EIF2B3: variants seen among roughly 807,000 people sequenced by gnomAD.
EIF2B3 encodes eukaryotic translation initiation factor 2B subunit gamma.
In EIF2B3, 20 loss-of-function variants were observed where a neutral mutation model predicts 54.1. The observed-to-expected ratio is 0.37, with a 90% CI of 0.26 to 0.54. The LOEUF (loss-of-function observed/expected upper bound fraction) is 0.54. Ranked by LOEUF, EIF2B3 falls within the 20% of genes least tolerant of loss-of-function variation. The pLI, the probability that EIF2B3 is intolerant of heterozygous loss-of-function variation, is 0.86. For synonymous variants in EIF2B3, 153 were observed against 188.1 expected (o/e 0.81, Z 1.52); for missense variants, 448 against 547.8 (o/e 0.82, Z 1.82).
At chr1:44,898,763 G>T (rs1656065487) in intron 5 of EIF2B3, among the ~76,000 whole-genome samples, 1 of 152,320 alleles carries the variant, frequency 6.6e-6, no homozygotes, top group South Asian at 2.1e-4. Flanking sequence ...CACAATGATT[G>T]CTCACTGTAG....
chr1:44,851,292 T>TA (rs1487324929), intron 11 of EIF2B3, among the ~76,000 whole-genome samples: 12 of 152,098 alleles, frequency 7.9e-5, no homozygotes, highest in Admixed American at 7.9e-4. Context: ...CTCGAACTCC[T>TA]AACCTCAGGT....
At chr1:44,968,803 A>G (rs921354999) in intron 3 of EIF2B3, among the ~76,000 whole-genome samples, 6 of 152,038 alleles carry the variant, frequency 3.9e-5, no homozygotes, top group Non-Finnish European at 8.8e-5. Context: ...AGGCTGAGGC[A>G]GGAGAACTGC....
Position 44,942,724 on chromosome 1 carries a change from G to A in EIF2B3, c.295-1059C>T, listed in dbSNP as rs999802547. Among the ~76,000 whole-genome samples, 57 of 151,428 alleles carry A rather than the reference G, an allele frequency of 3.8e-4. 1 individual carries two copies. Among genetic ancestry groups the A allele is most frequent in the African/African-American group, 1.4e-3 (56 of 41,194 alleles). The stretch of plus-strand genomic sequence containing the variant: ...ATTATAGGCATGAGCTACCATGCCT[G>A]ATTATAATTCTAATATCTCAGATTA... On this transcript the variant is annotated intron_variant, in intron 3 of 11. Transcript: ENST00000360403.
intron 4 of EIF2B3, 89 bp downstream of exon 4, chr1:44,941,417 T>G (rs1305173635): frequency 2.5e-5 from 36 of 1,448,332 alleles, no homozygotes; most frequent in Non-Finnish European, 3.1e-5. Flanking sequence ...GTATAGTAGA[T>G]TCTTAATAAA....
At chr1:44,888,860 A>G (rs887672703) in intron 6 of EIF2B3, among the ~76,000 whole-genome samples, 1 of 152,236 alleles carries the variant, frequency 6.6e-6, no homozygotes, top group Non-Finnish European at 1.5e-5. Flanking sequence ...GGGAACAGGA[A>G]TTCTGGGATT....
chr1:44,852,960 T>C (rs1167750071), intron 11 of EIF2B3, among the ~76,000 whole-genome samples: 1 of 151,852 alleles, frequency 6.6e-6, no homozygotes, highest in Admixed American at 6.6e-5. Flanking sequence ...CAGATGAAGG[T>C]TGGTAGAGAA....
chr1:44,853,750 G>A (rs1407937284), intron 11 of EIF2B3, among the ~76,000 whole-genome samples: 2 of 152,130 alleles, frequency 1.3e-5, no homozygotes, highest in African/African-American at 4.8e-5. Context: ...TGATAAGTTG[G>A]GAAAATAGCA....
At position 44,978,201 on chromosome 1, in the gene EIF2B3, G is replaced by A. The variant is rs542560806; in HGVS notation, c.294+114C>T. 309 of 1,239,934 alleles carry A rather than the reference G, an allele frequency of 2.5e-4. 1 individual carries two copies. The highest frequency in any genetic ancestry group is 3.4e-4 in the Non-Finnish European group (291 of 864,486). The allele number at this position is 1,239,934 out of a possible 1,614,324, so 76.8% of individuals were successfully genotyped here. On this transcript the variant is annotated intron_variant, in intron 3 of 11. Transcript: ENST00000360403. Reference sequence around the variant, plus strand: ...AATTGAGATCACACTACTGCACTCCGGCCTAGGTGACAGAGCGAGGTTCTG... The same window carrying A: ...AATTGAGATCACACTACTGCACTCCAGCCTAGGTGACAGAGCGAGGTTCTG...
chr1:44,956,443 C>T (rs1644226220), intron 3 of EIF2B3, among the ~76,000 whole-genome samples: 1 of 151,576 alleles, frequency 6.6e-6, no homozygotes, highest in African/African-American at 2.4e-5. Flanking sequence ...CAGCAAACCA[C>T]CATGGCACAT....
intron 4 of EIF2B3, among the ~76,000 whole-genome samples, chr1:44,927,444 A>AGAACAG (rs1382423884): frequency 6.6e-6 from 1 of 152,062 alleles, no homozygotes. Flanking sequence ...CACTATCACA[A>AGAACAG]GAACAGCACC....
chr1:44,933,543 G>C (rs1003705925), intron 4 of EIF2B3, among the ~76,000 whole-genome samples: 19 of 152,054 alleles, frequency 1.2e-4, no homozygotes, highest in Admixed American at 1.2e-3. Context: ...TCTCTAAGTG[G>C]GGTGAGGATA....
At chr1:44,985,363 G>A (rs576352539) in intron 1 of EIF2B3, among the ~76,000 whole-genome samples, 7 of 151,668 alleles carry the variant, frequency 4.6e-5, no homozygotes, top group African/African-American at 1.7e-4. Flanking sequence ...TCCTTTTCCC[G>A]AAGTGCTTCC....
rs57964686 is a variant in EIF2B3, at chr1:44,978,621, CTTTTTTTTTTTTTTTTT to C, written c.149-178_149-162del. ...TTTACCTGCATTCCCCCAATAAATT[CTTTTTTTTTTTTTTTTT>C]TTTTTTTTTTTTTTTACAGACAGGG... On this transcript the variant is annotated intron_variant, in intron 2 of 11. Transcript: ENST00000360403. Among the ~76,000 whole-genome samples, 170 of 76,638 alleles carry C rather than the reference CTTTTTTTTTTTTTTTTT, an allele frequency of 2.2e-3. 1 individual carries two copies. The highest frequency in any genetic ancestry group is 3.7e-3 in the Admixed American group (24 of 6,470). The allele number at this position is 76,638 out of a possible 152,430, so 50.3% of individuals were successfully genotyped here.
intron 2 of EIF2B3, among the ~76,000 whole-genome samples, 158 bp from the exon 3 acceptor site, chr1:44,978,618 A>ATTTTT (rs1330964091): frequency 1.0e-5 from 1 of 97,214 alleles, no homozygotes; most frequent in African/African-American, 4.2e-5. Context: ...CCCCCAATAA[A>ATTTTT]TTCTTTTTTT....
intron 1 of EIF2B3, among the ~76,000 whole-genome samples, chr1:44,981,968 A>G (rs1046571313): frequency 2.7e-5 from 4 of 148,938 alleles, no homozygotes; most frequent in Admixed American, 6.7e-5. Context: ...AAAAGAGAGA[A>G]AAAAGAAAAT....
intron 11 of EIF2B3, among the ~76,000 whole-genome samples, chr1:44,854,285 G>C (rs1023964033): frequency 5.9e-5 from 9 of 152,064 alleles, no homozygotes; most frequent in Admixed American, 2.6e-4. Context: ...TTACAGGCGT[G>C]AGCTACAGCC....
chr1:44,888,855 C>A (rs1182656247), intron 6 of EIF2B3, among the ~76,000 whole-genome samples: 1 of 152,214 alleles, frequency 6.6e-6, no homozygotes, highest in Non-Finnish European at 1.5e-5. Context: ...TTCCAGGGAA[C>A]AGGAATTCTG....
At chr1:44,962,578 T>C (rs1224158561) in intron 3 of EIF2B3, among the ~76,000 whole-genome samples, 3 of 152,024 alleles carry the variant, frequency 2.0e-5, no homozygotes, top group Non-Finnish European at 4.4e-5. Flanking sequence ...ACCTGGCTAA[T>C]CTAAAAAAAT....
intron 10 of EIF2B3, among the ~76,000 whole-genome samples, chr1:44,865,995 G>C (rs1654767492): frequency 6.6e-6 from 1 of 152,068 alleles, no homozygotes; most frequent in South Asian, 2.1e-4. Context: ...TTATAGTAGA[G>C]GGGTTAAATC....
Sources: gnomAD v4.1 joint callset for allele counts (sites outside exome capture counted in the v4.1 genomes callset) on GRCh38, gnomAD v4.1.1 for gene constraint, MANE v1.5 for transcripts, NCBI Gene and HGNC (gene_info 2026-07-23, HGNC 2026-07-21) for gene names.